OSBP: variants seen among roughly 807,000 people sequenced by gnomAD.
The protein encoded by OSBP is oxysterol binding protein, also known as oxysterol-binding protein 1.
Under a neutral mutation model 96.6 loss-of-function variants are expected in OSBP, and 32 were observed. The ratio of observed to expected loss-of-function variants is 0.33; its 90% CI spans 0.25 to 0.45. OSBP has a LOEUF of 0.45. Ranked by LOEUF, OSBP falls within the 20% of genes least tolerant of loss-of-function variation. OSBP has a pLI of 1.00. For missense variants in OSBP, 653 were observed against 1,029.7 expected (o/e 0.63, Z 5.01); for synonymous variants, 369 against 389.6 (o/e 0.95, Z 0.62).
At position 59,585,061 on chromosome 11, in the gene OSBP, GTC is replaced by G. The variant is rs528801390; in HGVS notation, c.1679-3509_1679-3508del. ...ACAGCCTCTGCCCGGCCGCCACCCC[GTC>G]TGGGAAGTGAGGAGCGTCTCTGCCT... On this transcript the variant is annotated intron_variant, in intron 9 of 13. Transcript: ENST00000263847. Among the ~76,000 whole-genome samples the G allele has an allele frequency of 1.1e-4, 16 of 151,566 alleles. No individual in the cohort carries two copies. In the South Asian group the frequency reaches 3.1e-3, roughly 30 times the overall value.
chr11:59,600,977 T>G, intron 5 of OSBP, 104 bp from the exon 6 acceptor site: 4 of 892,842 alleles, frequency 4.5e-6, no homozygotes, highest in Non-Finnish European at 7.3e-6. Flanking sequence ...CTGTATAAAC[T>G]TATTGATGGG....
At chr11:59,584,602 T>C (rs1206954082) in intron 9 of OSBP, among the ~76,000 whole-genome samples, 1 of 152,114 alleles carries the variant, frequency 6.6e-6, no homozygotes. Flanking sequence ...CCTTTCAGAA[T>C]GAAAACACTC....
intron 1 of OSBP, among the ~76,000 whole-genome samples, chr11:59,612,200 C>G (rs1860858415): frequency 6.6e-6 from 1 of 152,218 alleles, no homozygotes. Context: ...ACTGCTCTTC[C>G]TTCCTCAAAT....
At chr11:59,588,769 G>A (rs979248911) in intron 9 of OSBP, among the ~76,000 whole-genome samples, 1 of 152,114 alleles carries the variant, frequency 6.6e-6, no homozygotes, top group Non-Finnish European at 1.5e-5. Flanking sequence ...ACTCTGGGAG[G>A]CCGAAGCAGG....
intron 9 of OSBP, among the ~76,000 whole-genome samples, chr11:59,590,956 G>C (rs986973078): frequency 2.6e-5 from 4 of 152,152 alleles, no homozygotes; most frequent in Non-Finnish European, 5.9e-5. Context: ...TCCCCATGAA[G>C]ATGGGGATTT....
intron 7 of OSBP, among the ~76,000 whole-genome samples, chr11:59,597,547 CT>C (rs1554980436): frequency 7.4e-6 from 1 of 134,506 alleles, no homozygotes; most frequent in African/African-American, 2.5e-5. Flanking sequence ...GAAGGTCAAC[CT>C]TTTTTTCTTT....
In OSBP at chr11:59,583,641, T is replaced by G. The variant is rs796146563; in HGVS notation, c.1679-2087A>C. Among the ~76,000 whole-genome samples the G allele has an allele frequency of 5.9e-5, 8 of 134,686 alleles. No individual in the cohort carries two copies. In the East Asian group the frequency reaches 6.2e-4, roughly 10 times the overall value. The allele number at this position is 134,686 out of a possible 152,430, so 88.4% of individuals were successfully genotyped here. A position where few individuals can be genotyped will look rare whatever the true frequency, so the allele number is the denominator to read the frequency against. ...AACATATTCTAAATCTCTGTTTTTT[T>G]TTTTTTTTTTTTTTTTTTTCGAGAT... On this transcript the variant is annotated intron_variant, in intron 9 of 13. Transcript: ENST00000263847.
At chr11:59,600,688 C>T (rs1860712480) in intron 6 of OSBP, 61 bp from the exon 7 acceptor site, 1 of 1,585,206 alleles carries the variant, frequency 6.3e-7, no homozygotes, top group Admixed American at 1.9e-5. Context: ...GTATTTATAA[C>T]CTTCCCTTCC....
intron 9 of OSBP, among the ~76,000 whole-genome samples, chr11:59,584,545 T>C (rs1241448881): frequency 1.3e-5 from 2 of 152,152 alleles, no homozygotes; most frequent in African/African-American, 2.4e-5. Flanking sequence ...AAAAAACACA[T>C]GATCATCTCA....
intron 9 of OSBP, 120 bp from the exon 10 acceptor site, chr11:59,581,674 CAAT>C (rs1332761217): frequency 1.9e-6 from 1 of 529,416 alleles, no homozygotes; most frequent in Admixed American, 3.1e-5. Flanking sequence ...AGAAATAAAA[CAAT>C]AAATCAAAAA....
chr11:59,597,153 G>A (rs1453389466), intron 7 of OSBP, among the ~76,000 whole-genome samples: 2 of 152,076 alleles, frequency 1.3e-5, no homozygotes, highest in African/African-American at 2.4e-5. Context: ...CCGCCTCCCA[G>A]ATTCAAGCAA....
intron 3 of OSBP, 62 bp from the exon 4 acceptor site, chr11:59,601,900 G>A (rs1360882162): frequency 1.4e-6 from 2 of 1,471,218 alleles, no homozygotes; most frequent in African/African-American, 1.4e-5. Flanking sequence ...TCAGGCTTCT[G>A]CAAGCCCATT....
chr11:59,593,733 A>C lies in OSBP; in HGVS notation c.1558-9T>G. 6.2e-7 allele frequency: 1 copy of C among 1,613,860 alleles called. No homozygotes were observed. Among genetic ancestry groups the C allele is most frequent in the East Asian group, 2.2e-5 (1 of 44,858 alleles). ...GGGGGATGATGACTCACCTTGAAGA[A>C]ATCAGGTTCAAATTAAGACGGCAGA... On this transcript the variant is annotated splice_polypyrimidine_tract_variant and intron_variant, in intron 8 of 13. Transcript: ENST00000263847.
At chr11:59,588,907 A>C (rs1860537735) in intron 9 of OSBP, among the ~76,000 whole-genome samples, 1 of 152,112 alleles carries the variant, frequency 6.6e-6, no homozygotes, top group African/African-American at 2.4e-5. Context: ...CAGGAAGCTG[A>C]GGCAGGAGAA....
chr11:59,579,496 G>A (rs1217305142), intron 11 of OSBP, among the ~76,000 whole-genome samples: 7 of 151,810 alleles, frequency 4.6e-5, no homozygotes, highest in East Asian at 1.9e-4. Flanking sequence ...ACCATGCCCG[G>A]CTAATTTTGT....
intron 3 of OSBP, among the ~76,000 whole-genome samples, chr11:59,608,015 C>T (rs960749667): frequency 4.6e-5 from 7 of 152,062 alleles, no homozygotes; most frequent in African/African-American, 1.2e-4. Flanking sequence ...TGCCTGAATG[C>T]GTTAGTAAAG....
intron 3 of OSBP, 27 bp from the exon 4 acceptor site, chr11:59,601,865 C>G: frequency 6.2e-7 from 1 of 1,603,472 alleles, no homozygotes; most frequent in Non-Finnish European, 8.5e-7. Context: ...TTGACTGTGT[C>G]AGCTCAACTA....
Position 59,594,061 on chromosome 11 carries a change from G to A in OSBP, c.1506C>T (p.Thr502=). Residue 502 remains threonine (T), a synonymous_variant, in exon 8 of 14, where the codon ACC becomes ACT. Coordinates refer to ENST00000263847, the MANE Select transcript of OSBP (RefSeq NM_002556.3). ...SKPFNPLLGE[T]FELDRLEENG... is the part of the protein sequence containing the mutation. ...TCTCCTCTAATCGGTCCAGCTCAAA[G>A]GTCTCCCCAAGCAGTGGGTTGAATG... 1.2e-6 allele frequency: 2 copies of A among 1,614,124 alleles called. No individual in the cohort carries two copies. The highest frequency in any genetic ancestry group is 1.7e-6 in the Non-Finnish European group (2 of 1,180,020).
intron 3 of OSBP, among the ~76,000 whole-genome samples, chr11:59,602,601 A>G (rs1307793765): frequency 6.6e-6 from 1 of 152,142 alleles, no homozygotes; most frequent in Non-Finnish European, 1.5e-5. Flanking sequence ...TGTACTTAGC[A>G]CTGCACCCTA....
Sources: gnomAD v4.1 joint callset for allele counts (sites outside exome capture counted in the v4.1 genomes callset) on GRCh38, gnomAD v4.1.1 for gene constraint, MANE v1.5 for transcripts, NCBI Gene and HGNC (gene_info 2026-07-23, HGNC 2026-07-21) for gene names.